Variants in AIMP1 observed in about 807,000 individuals in gnomAD.
AIMP1 encodes aminoacyl tRNA synthase complex-interacting multifunctional protein 1.
Under a neutral mutation model 33.1 loss-of-function variants are expected in AIMP1, and 24 were observed. The observed-to-expected ratio is 0.73, with a 90% CI of 0.53 to 1.02. The LOEUF is 1.02. Ranked by LOEUF, AIMP1 falls within the 50% of genes least tolerant of loss-of-function variation. The pLI, the probability that AIMP1 is intolerant of heterozygous loss-of-function variation, is 0.00. For synonymous variants in AIMP1, 120 were observed against 121.5 expected (o/e 0.99, Z 0.08); for missense variants, 367 against 364.8 (o/e 1.01, Z -0.05).
At chr4:106,325,329 G>A (rs1769417546) in intron 2 of AIMP1, among the ~76,000 whole-genome samples, 1 of 151,934 alleles carries the variant, frequency 6.6e-6, no homozygotes, top group African/African-American at 2.4e-5. Context: ...AGTAGTCAAT[G>A]TCAGAATAGA....
chr4:106,333,385 G>A (rs1769751833), intron 5 of AIMP1, among the ~76,000 whole-genome samples: 1 of 152,120 alleles, frequency 6.6e-6, no homozygotes, highest in African/African-American at 2.4e-5. Context: ...TCTAATTTCA[G>A]CGTTGCTGGA....
chr4:106,340,743 G>T (rs1440720604), intron 6 of AIMP1, among the ~76,000 whole-genome samples: 1 of 152,136 alleles, frequency 6.6e-6, no homozygotes, highest in Non-Finnish European at 1.5e-5. Flanking sequence ...TAGTGCTGCA[G>T]TGAACTTACA....
chr4:106,326,538 A>C (rs1769458587), intron 2 of AIMP1, among the ~76,000 whole-genome samples: 1 of 152,130 alleles, frequency 6.6e-6, no homozygotes, highest in Non-Finnish European at 1.5e-5. Flanking sequence ...CACACTTTTA[A>C]CACATACATT....
intron 2 of AIMP1, 116 bp downstream of exon 2, chr4:106,325,234 T>A: frequency 9.9e-7 from 1 of 1,005,320 alleles, no homozygotes; most frequent in East Asian, 2.7e-5. Flanking sequence ...GTTTCTGTTA[T>A]ATGTAGAAAA....
chr4:106,333,334 A>T (rs1391929511), intron 5 of AIMP1, among the ~76,000 whole-genome samples: 4 of 152,138 alleles, frequency 2.6e-5, no homozygotes, highest in Non-Finnish European at 5.9e-5. Context: ...ATTGCATCAA[A>T]TTGCACTTTT....
chr4:106,342,995 T>A (rs918663833), intron 6 of AIMP1, among the ~76,000 whole-genome samples: 4 of 151,644 alleles, frequency 2.6e-5, no homozygotes, highest in African/African-American at 9.7e-5. Context: ...ATCTCTGCCT[T>A]TTAGGCTCGA....
chr4:106,332,709 T>C (rs1425325820), intron 5 of AIMP1, among the ~76,000 whole-genome samples: 1 of 150,690 alleles, frequency 6.6e-6, no homozygotes, highest in Non-Finnish European at 1.5e-5. Flanking sequence ...TATAGATATA[T>C]ATATATATAC....
chr4:106,342,079 T>C (rs1343408284), intron 6 of AIMP1, among the ~76,000 whole-genome samples: 1 of 152,164 alleles, frequency 6.6e-6, no homozygotes, highest in Non-Finnish European at 1.5e-5. Context: ...GTGTTCTTGA[T>C]TTGACTCTCA....
intron 6 of AIMP1, among the ~76,000 whole-genome samples, chr4:106,339,310 C>T (rs1192559354): frequency 6.6e-6 from 1 of 152,138 alleles, no homozygotes; most frequent in Non-Finnish European, 1.5e-5. Context: ...ACCCAAATCT[C>T]ATCTTGAATT....
chr4:106,328,348 C>G lies in AIMP1; in HGVS notation c.391+105C>G, dbSNP rs146402557. ...AGTATCAAAAGTAAAGTTCAACTTT[C>G]ATGAGCTAGGATAAAATTAGGAACA... On this transcript the variant is annotated intron_variant, in intron 4 of 6. Coordinates refer to ENST00000672341, the MANE Select transcript of AIMP1 (RefSeq NM_001142416.2). 6,659 of 1,342,300 alleles carry G rather than the reference C, an allele frequency of 5.0e-3. 27 individuals are homozygous for G. Among genetic ancestry groups the G allele is most frequent in the Middle Eastern group, 0.01 (44 of 4,308 alleles). 83.1% of individuals were successfully genotyped at this position (1,342,300 alleles called of 1,614,324 possible). A position where few individuals can be genotyped will look rare whatever the true frequency, so the allele number is the denominator to read the frequency against.
intron 4 of AIMP1, 127 bp from the exon 5 acceptor site, chr4:106,331,545 G>C: frequency 1.3e-6 from 1 of 752,534 alleles, no homozygotes; most frequent in South Asian, 1.6e-5. Flanking sequence ...TTTAAGTGAA[G>C]GTAGGAGATA....
chr4:106,335,619 G>A (rs1769843994), intron 5 of AIMP1, among the ~76,000 whole-genome samples: 1 of 152,062 alleles, frequency 6.6e-6, no homozygotes, highest in Non-Finnish European at 1.5e-5. Flanking sequence ...CACTTTTGCT[G>A]TAACTTTTAA....
intron 4 of AIMP1, among the ~76,000 whole-genome samples, 177 bp downstream of exon 4, chr4:106,328,420 A>G (rs1436067334): frequency 6.6e-6 from 1 of 152,170 alleles, no homozygotes; most frequent in East Asian, 1.9e-4. Context: ...GTGTGTGAAT[A>G]TTGACCAGAT....
intron 1 of AIMP1, among the ~76,000 whole-genome samples, chr4:106,317,078 A>G (rs949191779): frequency 7.2e-5 from 11 of 152,220 alleles, no homozygotes; most frequent in Admixed American, 3.3e-4. Flanking sequence ...AATTAGAAAC[A>G]TACTGTATTT....
At chr4:106,337,981 G>T (rs776279071) in intron 6 of AIMP1, among the ~76,000 whole-genome samples, 4 of 152,116 alleles carry the variant, frequency 2.6e-5, no homozygotes, top group Non-Finnish European at 5.9e-5. Context: ...GTGGCATTTT[G>T]CCCTTTCCCT....
intron 6 of AIMP1, among the ~76,000 whole-genome samples, chr4:106,343,703 T>A (rs1333642335): frequency 6.6e-6 from 1 of 152,190 alleles, no homozygotes; most frequent in Non-Finnish European, 1.5e-5. Flanking sequence ...CTCACCACTC[T>A]ACTCCCACCA....
rs1561035452 is a variant in AIMP1, at chr4:106,347,755, G to A, written c.*63G>A. The A allele has an allele frequency of 6.5e-7, 1 of 1,537,110 alleles. No homozygotes were observed. Among genetic ancestry groups the A allele is most frequent in the Admixed American group, 1.9e-5 (1 of 51,982 alleles). ...AAAAGTAATAAAGAGAAATATATTTGTCACTTATACCTAAAATATGAGTGG... is the reference window on the plus strand; with the variant it reads ...AAAAGTAATAAAGAGAAATATATTTATCACTTATACCTAAAATATGAGTGG... On this transcript the variant is annotated 3_prime_UTR_variant, in exon 7 of 7. Transcript: ENST00000672341.
At chr4:106,344,462 T>C (rs1486605936) in intron 6 of AIMP1, among the ~76,000 whole-genome samples, 2 of 152,190 alleles carry the variant, frequency 1.3e-5, no homozygotes, top group African/African-American at 4.8e-5. Context: ...CTAGTGGCTC[T>C]ACCTTCTGAA....
At chr4:106,317,973 G>T (rs3113249) in intron 1 of AIMP1, among the ~76,000 whole-genome samples, 60,322 of 151,844 alleles carry the variant, frequency 0.4, 12,243 homozygotes, top group South Asian at 0.47. Context: ...TATGGACTCT[G>T]TACTGGGGAG....
Sources: gnomAD v4.1 joint callset for allele counts (sites outside exome capture counted in the v4.1 genomes callset) on GRCh38, gnomAD v4.1.1 for gene constraint, MANE v1.5 for transcripts, NCBI Gene and HGNC (gene_info 2026-07-23, HGNC 2026-07-21) for gene names.